Variants in SLC4A4 observed in about 807,000 individuals in gnomAD.
SLC4A4 encodes solute carrier family 4 member 4.
SLC4A4 carries 27 observed loss-of-function variants against 111.5 expected under a neutral mutation model. That is an observed-to-expected ratio of 0.24 (90% CI 0.18 to 0.33). SLC4A4 has a LOEUF of 0.33. SLC4A4 is among the 10% of genes least tolerant of loss of function. The probability of loss-of-function intolerance (pLI) is 1.00; values close to 1 mark genes in which losing one functional copy is unlikely to be tolerated. For missense variants in SLC4A4, 909 were observed against 1,315.5 expected, an observed-to-expected ratio of 0.69 and a Z score of 4.78; for synonymous variants, 443 against 463.4, an observed-to-expected ratio of 0.96 and a Z score of 0.57.
intron 2 of SLC4A4, among the ~76,000 whole-genome samples, chr4:71,142,132 G>GGTAC (rs1275248180): frequency 6.6e-6 from 1 of 152,152 alleles, no homozygotes; most frequent in African/African-American, 2.4e-5. Context: ...ACAAACTATA[G>GGTAC]GTACTCACTG....
intron 3 of SLC4A4, among the ~76,000 whole-genome samples, chr4:71,271,114 T>G (rs1266498807): frequency 6.6e-6 from 1 of 152,170 alleles, no homozygotes; most frequent in South Asian, 2.1e-4. Context: ...TATGTCTATG[T>G]GGACACCTTC....
At position 71,497,585 on chromosome 4, in the gene SLC4A4, A is replaced by G; in HGVS notation, c.2059A>G (p.Asn687Asp). 1 of 1,613,616 alleles carries G rather than the reference A, an allele frequency of 6.2e-7. No individual in the cohort carries two copies. The highest frequency in any genetic ancestry group is 1.1e-5 in the South Asian group (1 of 91,066). Reference sequence around the variant, plus strand: ...AGGAAACCTCGTCGGGAACAACTGTAATTTTGTTCCTGATATCACACTCAT... The same window carrying G: ...AGGAAACCTCGTCGGGAACAACTGTGATTTTGTTCCTGATATCACACTCAT... ...YGGNLVGNNC[N>D]FVPDITLMSF... Residue 687 changes from asparagine (N) to aspartate (D), a missense_variant, in exon 16 of 26, where the codon AAT (asparagine) becomes GAT (aspartate). Physicochemically the swap from Asn to Asp is conservative, Grantham distance 23. Coordinates refer to ENST00000264485, the MANE Select transcript of SLC4A4 (RefSeq NM_001098484.3).
intron 2 of SLC4A4, among the ~76,000 whole-genome samples, chr4:71,251,459 C>A (rs1381205271): frequency 2.6e-5 from 4 of 152,132 alleles, no homozygotes; most frequent in Non-Finnish European, 4.4e-5. Context: ...TTCAGAGATA[C>A]CCAGGAAAGC....
chr4:71,322,676 G>T (rs759918360), intron 3 of SLC4A4, among the ~76,000 whole-genome samples: 1 of 151,958 alleles, frequency 6.6e-6, no homozygotes, highest in African/African-American at 2.4e-5. Flanking sequence ...TATCATAGCA[G>T]CTCTGGCAGA....
intron 7 of SLC4A4, among the ~76,000 whole-genome samples, chr4:71,423,486 T>G (rs994305091): frequency 6.6e-6 from 1 of 152,078 alleles, no homozygotes; most frequent in African/African-American, 2.4e-5. Flanking sequence ...TGAAAAAACT[T>G]GATCTTGAAA....
Position 71,472,977 on chromosome 4 carries a change from G to A in SLC4A4, c.1903+7G>A, listed in dbSNP as rs1295388619. On this transcript the variant is annotated splice_region_variant and intron_variant, in intron 14 of 25. Transcript: ENST00000264485. ...TGTGTGCCACCTGACCCAGGTGAGG[G>A]CATTACGCTTTGTGTTTATGCTCGC... 1.2e-6 allele frequency: 2 copies of A among 1,612,826 alleles called. No homozygotes were observed. The highest frequency in any genetic ancestry group is 1.7e-6 in the Non-Finnish European group (2 of 1,179,306).
At position 71,327,970 on chromosome 4, in the gene SLC4A4, C is replaced by G. The variant is rs141447594; in HGVS notation, c.254-11400C>G. ...TGTACCCATTAACCATCCCCCACCC[C>G]ACCTGCTCCCACCAACTACCCTTTT... is the stretch of plus-strand genomic sequence containing the variant. On this transcript the variant is annotated intron_variant, in intron 3 of 25. Transcript: ENST00000264485. Among the ~76,000 whole-genome samples, 258 of 152,134 alleles carry G rather than the reference C, an allele frequency of 1.7e-3. 2 individuals carry two copies. The highest frequency in any genetic ancestry group is 5.7e-3 in the African/African-American group (237 of 41,526).
At chr4:71,297,509 A>AAC (rs61184918) in intron 3 of SLC4A4, among the ~76,000 whole-genome samples, 9,313 of 131,998 alleles carry the variant, frequency 0.071, 311 homozygotes, top group Middle Eastern at 0.077. Flanking sequence ...CACACAGACA[A>AAC]ACACACACAC....
At chr4:71,475,141 T>C (rs990424488) in intron 14 of SLC4A4, among the ~76,000 whole-genome samples, 4 of 151,030 alleles carry the variant, frequency 2.6e-5, no homozygotes, top group Non-Finnish European at 4.4e-5. Flanking sequence ...GTTTGAGTAA[T>C]CATACACCAA....
intron 3 of SLC4A4, among the ~76,000 whole-genome samples, chr4:71,292,203 G>A (rs1402203055): frequency 6.6e-6 from 1 of 152,210 alleles, no homozygotes; most frequent in Non-Finnish European, 1.5e-5. Context: ...AGATGAAAAT[G>A]TAGTACTTTT....
At chr4:71,239,332 G>A (rs537309820) in intron 2 of SLC4A4, among the ~76,000 whole-genome samples, 1 of 152,116 alleles carries the variant, frequency 6.6e-6, no homozygotes, top group Non-Finnish European at 1.5e-5. Flanking sequence ...GATTATTAAA[G>A]TAACTAAGGT....
intron 6 of SLC4A4, among the ~76,000 whole-genome samples, chr4:71,382,829 G>A (rs1578971001): frequency 6.6e-6 from 1 of 152,318 alleles, no homozygotes; most frequent in South Asian, 2.1e-4. Flanking sequence ...ACTGTGTTGT[G>A]TTCCTGGTCC....
chr4:71,357,666 A>C (rs1211711324), intron 6 of SLC4A4, among the ~76,000 whole-genome samples: 1 of 152,220 alleles, frequency 6.6e-6, no homozygotes, highest in Non-Finnish European at 1.5e-5. Flanking sequence ...ACTTCATCAA[A>C]CTAAGCCTCC....
At chr4:71,117,239 C>T (rs1396310438) in intron 2 of SLC4A4, among the ~76,000 whole-genome samples, 3 of 152,142 alleles carry the variant, frequency 2.0e-5, no homozygotes, top group African/African-American at 7.2e-5. Context: ...CCTTGGCCTC[C>T]TAAAGTGCTG....
At chr4:71,283,024 T>C (rs1040332151) in intron 3 of SLC4A4, among the ~76,000 whole-genome samples, 2 of 152,156 alleles carry the variant, frequency 1.3e-5, no homozygotes, top group Non-Finnish European at 2.9e-5. Context: ...GGTTAGTAAA[T>C]TTGATGAGTG....
chr4:71,525,186 T>A (rs796544479), intron 16 of SLC4A4, among the ~76,000 whole-genome samples: 2 of 152,296 alleles, frequency 1.3e-5, no homozygotes, highest in African/African-American at 4.8e-5. Flanking sequence ...GAACAGCATA[T>A]GTTTATTTGA....
At chr4:71,446,004 C>G (rs1277229094) in intron 8 of SLC4A4, among the ~76,000 whole-genome samples, 3 of 152,264 alleles carry the variant, frequency 2.0e-5, no homozygotes, top group African/African-American at 7.2e-5. Context: ...TTGCTATCTA[C>G]TTTGGTAACA....
At chr4:71,348,849 G>A (rs572825033) in intron 4 of SLC4A4, among the ~76,000 whole-genome samples, 34 of 152,244 alleles carry the variant, frequency 2.2e-4, no homozygotes, top group African/African-American at 8.2e-4. Flanking sequence ...TCTTTAGTGA[G>A]TTAGGTGAGC....
chr4:71,067,129 GA>G (rs34311719), intron 1 of SLC4A4, among the ~76,000 whole-genome samples: 4 of 149,960 alleles, frequency 2.7e-5, no homozygotes, highest in African/African-American at 7.3e-5. Context: ...CACATGCAGA[GA>G]AAAAAAAAAT....
Sources: gnomAD v4.1 joint callset for allele counts (sites outside exome capture counted in the v4.1 genomes callset) on GRCh38, gnomAD v4.1.1 for gene constraint, MANE v1.5 for transcripts, NCBI Gene and HGNC (gene_info 2026-07-23, HGNC 2026-07-21) for gene names.